The following THOC2 variants were observed in gnomAD, a reference collection of about 807,000 sequenced individuals.
THOC2 encodes the protein THO complex 2.
A neutral mutation model predicts 128.4 loss-of-function variants in THOC2; 10 were observed. The ratio of observed to expected loss-of-function variants is 0.08; its 90% confidence interval spans 0.05 to 0.13. The LOEUF (loss-of-function observed/expected upper bound fraction) is 0.13. Among genes scored for constraint, THOC2 ranks in the 10% least tolerant of loss-of-function variants. The pLI is 1.00. For synonymous variants in THOC2, 393 were observed against 396.9 expected (o/e 0.99, Z 0.12); for missense variants, 535 against 1,155.7 (o/e 0.46, Z 7.79).
chrX:123,700,524 G>C (rs1381379161), intron 4 of THOC2, among the ~76,000 whole-genome samples: 1 of 74,109 alleles, frequency 1.3e-5, no homozygotes, highest in Non-Finnish European at 2.5e-5. Context: ...GGGGGCGGCG[G>C]GGGGGAGGTG....
At chrX:123,699,753 G>T (rs1004366783) in intron 4 of THOC2, among the ~76,000 whole-genome samples, 1 of 111,888 alleles carries the variant, frequency 8.9e-6, no homozygotes, top group African/African-American at 3.2e-5. Flanking sequence ...CTCTCTGAGG[G>T]TTTGTGAACC....
Position 123,607,560 on chromosome X carries a change from TC to T in THOC2, c.*18+3357del, listed in dbSNP as rs911675573. On this transcript the variant is annotated intron_variant, in intron 38 of 38. Transcript: ENST00000245838. ...CTCAAGCAATCCTCTTGCCTCAGCC[TC>T]CTACAGTGTTAGGATTACAGGCATG... is the stretch of plus-strand genomic sequence containing the variant. Among the ~76,000 whole-genome samples, 10 of 109,633 alleles carry T rather than the reference TC, an allele frequency of 9.1e-5. No homozygotes were observed. The South Asian group carries it at 3.2e-3, about 35-fold the overall frequency.
At chrX:123,670,567 C>A (rs927961578) in intron 9 of THOC2, among the ~76,000 whole-genome samples, 3 of 112,541 alleles carry the variant, frequency 2.7e-5, no homozygotes, top group African/African-American at 9.7e-5. Flanking sequence ...TGCAGTGAGC[C>A]GAGATAGTGC....
chrX:123,608,354 T>C (rs886402050), intron 38 of THOC2, among the ~76,000 whole-genome samples: 1 of 107,491 alleles, frequency 9.3e-6, no homozygotes, highest in African/African-American at 3.4e-5. Context: ...TGAACCAAGA[T>C]TGCACCATTG....
intron 33 of THOC2, among the ~76,000 whole-genome samples, chrX:123,617,035 A>C (rs1331796275): frequency 6.3e-5 from 7 of 111,197 alleles, no homozygotes; most frequent in African/African-American, 2.3e-4. Flanking sequence ...CTAGAAAGTA[A>C]AAGCTACCTC....
intron 12 of THOC2, among the ~76,000 whole-genome samples, chrX:123,656,042 G>T (rs2048558052): frequency 9.2e-6 from 1 of 109,161 alleles, no homozygotes; most frequent in Non-Finnish European, 1.9e-5. Flanking sequence ...GAACTTAATG[G>T]CCGGGCGTGG....
chrX:123,641,876 A>C (rs2047926347), intron 15 of THOC2, among the ~76,000 whole-genome samples: 1 of 112,276 alleles, frequency 8.9e-6, no homozygotes, highest in African/African-American at 3.2e-5. Flanking sequence ...ACAAGTAATA[A>C]GTTAATACAT....
intron 12 of THOC2, among the ~76,000 whole-genome samples, chrX:123,651,979 T>C (rs1375479981): frequency 9.1e-6 from 1 of 110,341 alleles, no homozygotes; most frequent in Non-Finnish European, 1.9e-5. Context: ...TACTAAAACC[T>C]GGCAGACACA....
chrX:123,611,391 T>A (rs746883719), intron 37 of THOC2, 49 bp downstream of exon 37: 2 of 979,781 alleles, frequency 2.0e-6, no homozygotes, highest in South Asian at 4.1e-5. Flanking sequence ...ATGACCAGTA[T>A]CAAAGCTTTC....
chrX:123,660,950 G>GTATA (rs200002019), intron 12 of THOC2, among the ~76,000 whole-genome samples: 9 of 111,392 alleles, frequency 8.1e-5, no homozygotes, highest in South Asian at 3.7e-4. Context: ...AAAATGTGGT[G>GTATA]TATATATATA....
chrX:123,618,128 G>T (rs1015018061), intron 33 of THOC2, among the ~76,000 whole-genome samples: 2 of 111,203 alleles, frequency 1.8e-5, no homozygotes, highest in Admixed American at 9.5e-5. Context: ...TGACGTTATG[G>T]CTAACAGCAA....
At position 123,636,089 on chromosome X, in the gene THOC2, C is replaced by T; in HGVS notation, c.2008G>A (p.Ala670Thr). 1 of 1,206,322 alleles carries T rather than the reference C, an allele frequency of 8.3e-7. No individual in the cohort carries two copies. The highest frequency in any genetic ancestry group is 1.1e-6 in the Non-Finnish European group (1 of 892,255). The change falls in exon 19 of 39, where the codon GCG (alanine) becomes ACG (threonine). Residue 670 changes from alanine (A) to threonine (T), a missense_variant. Physicochemically the swap from Ala to Thr is moderately conservative, Grantham distance 58. Transcript: ENST00000245838. ...LLQYVANQLKAGKSFDLLILK... is the reference protein window; with the variant it reads ...LLQYVANQLKTGKSFDLLILK... ...ATTTGCTATGAATACCTTTTGCCCG[C>T]CTTTAGCTGATTGGCAACATACTGA...
At chrX:123,662,821 A>G (rs746942469) in intron 12 of THOC2, among the ~76,000 whole-genome samples, 1 of 111,676 alleles carries the variant, frequency 9.0e-6, no homozygotes, top group African/African-American at 3.2e-5. Context: ...ACATTTCACT[A>G]AAGATAACTA....
At chrX:123,643,351 A>G (rs2048002823) in intron 15 of THOC2, among the ~76,000 whole-genome samples, 1 of 111,749 alleles carries the variant, frequency 8.9e-6, no homozygotes, top group African/African-American at 3.3e-5. Flanking sequence ...CAGTCACCAA[A>G]GGATTTTTAG....
At chrX:123,606,707 G>A (rs981855210) in intron 38 of THOC2, among the ~76,000 whole-genome samples, 1 of 112,261 alleles carries the variant, frequency 8.9e-6, no homozygotes, top group Non-Finnish European at 1.9e-5. Context: ...TAAAAATTAG[G>A]TTACACATGT....
intron 1 of THOC2, among the ~76,000 whole-genome samples, chrX:123,715,105 G>A (rs2051352077): frequency 1.0e-5 from 1 of 99,194 alleles, no homozygotes; most frequent in African/African-American, 3.8e-5. Context: ...CTGCAGCCTC[G>A]ACCTGAGCTC....
At chrX:123,642,037 A>C (rs2047935046) in intron 15 of THOC2, among the ~76,000 whole-genome samples, 1 of 112,464 alleles carries the variant, frequency 8.9e-6, no homozygotes. Flanking sequence ...TTATTCATTC[A>C]TTCATATTAA....
intron 1 of THOC2, 104 bp from the exon 2 acceptor site, chrX:123,713,012 G>A: frequency 2.0e-6 from 1 of 491,039 alleles, no homozygotes; most frequent in East Asian, 3.9e-5. Flanking sequence ...ATTTAATCAA[G>A]CATTTATTCT....
chrX:123,695,016 T>G (rs917964714), intron 7 of THOC2, among the ~76,000 whole-genome samples: 1 of 112,155 alleles, frequency 8.9e-6, no homozygotes, highest in Non-Finnish European at 1.9e-5. Flanking sequence ...TACTTGTTGG[T>G]AAGAACAAAG....
Sources: allele counts gnomAD v4.1 joint callset (sites outside exome capture counted in the v4.1 genomes callset), GRCh38; gene constraint gnomAD v4.1.1; transcripts MANE v1.5; gene names NCBI Gene and HGNC (gene_info 2026-07-23, HGNC 2026-07-21).